The following NBAS variants were observed in gnomAD, a reference collection of about 807,000 sequenced individuals.
NBAS encodes the protein NAG/BC035112 fusion.
NBAS carries 219 observed loss-of-function variants against 302.5 expected under a neutral mutation model. The ratio of observed to expected loss-of-function variants is 0.72; its 90% CI spans 0.65 to 0.81. The LOEUF is 0.81. NBAS is among the 30% of genes least tolerant of loss of function. The pLI, the probability that NBAS is intolerant of heterozygous loss-of-function variation, is 0.00. For synonymous variants in NBAS, 1,118 were observed against 1,021.6 expected (o/e 1.09, Z -1.80); for missense variants, 2,932 against 2,841.6 (o/e 1.03, Z -0.72).
the NBAS span, among the ~76,000 whole-genome samples, chr2:15,098,546 T>A: frequency 9.1e-6 from 1 of 110,066 alleles, no homozygotes. Flanking sequence ...GTATTGTATA[T>A]AATATGTTAT....
the NBAS span, among the ~76,000 whole-genome samples, chr2:14,889,706 G>T: frequency 6.6e-6 from 1 of 152,198 alleles, no homozygotes; most frequent in Non-Finnish European, 1.5e-5. Flanking sequence ...AGAAGTGCAG[G>T]TCTTCCAATG....
chr2:14,978,277 T>A, the NBAS span, among the ~76,000 whole-genome samples: 1 of 152,204 alleles, frequency 6.6e-6, no homozygotes, highest in African/African-American at 2.4e-5. Context: ...TCAGAGTATG[T>A]AGTATCATAT....
chr2:15,396,492 A>C lies in NBAS; in HGVS notation c.3072-17T>G. 6.5e-7 allele frequency: 1 copy of C among 1,546,050 alleles called. No homozygotes were observed. The highest frequency in any genetic ancestry group is 8.7e-7 in the Non-Finnish European group (1 of 1,145,936). Reference sequence around the variant, plus strand: ...GTCTTATCACTAATAAATTAAAAGAAGAAAAAAAAAAGCCCTTAAGTTTAG... The same window carrying C: ...GTCTTATCACTAATAAATTAAAAGACGAAAAAAAAAAGCCCTTAAGTTTAG... On this transcript the variant is annotated splice_polypyrimidine_tract_variant and intron_variant, in intron 26 of 51. Coordinates refer to ENST00000281513, the MANE Select transcript of NBAS (RefSeq NM_015909.4).
the NBAS span, among the ~76,000 whole-genome samples, chr2:15,125,486 C>T: frequency 6.7e-6 from 1 of 148,860 alleles, no homozygotes; most frequent in Non-Finnish European, 1.5e-5. Flanking sequence ...GAGGGATCCA[C>T]TCCCATGATC....
chr2:15,171,287 G>C (rs921933166), intron 51 of NBAS, among the ~76,000 whole-genome samples: 1 of 152,086 alleles, frequency 6.6e-6, no homozygotes, highest in Non-Finnish European at 1.5e-5. Context: ...ACGGTAATTT[G>C]TATGTCATCC....
chr2:15,452,543 G>A (rs111614198), intron 21 of NBAS, among the ~76,000 whole-genome samples: 1,840 of 150,118 alleles, frequency 0.012, 34 homozygotes, highest in African/African-American at 0.043. Context: ...AGCCGAGATC[G>A]CGCCACTGCA....
At chr2:14,873,736 A>G in the NBAS span, among the ~76,000 whole-genome samples, 1 of 151,064 alleles carries the variant, frequency 6.6e-6, no homozygotes, top group Non-Finnish European at 1.5e-5. Context: ...AATAACCTGT[A>G]GGTCCAAAAT....
intron 42 of NBAS, among the ~76,000 whole-genome samples, chr2:15,278,605 T>G (rs1055150159): frequency 6.6e-6 from 1 of 152,136 alleles, no homozygotes; most frequent in African/African-American, 2.4e-5. Flanking sequence ...AGCAAAAAAT[T>G]AGGTGTCCTC....
chr2:14,818,417 A>G, the NBAS span, among the ~76,000 whole-genome samples: 2 of 152,192 alleles, frequency 1.3e-5, no homozygotes, highest in African/African-American at 2.4e-5. Context: ...AATAGTTAAC[A>G]TTATTCATCA....
At chr2:15,172,992 C>T (rs1453891212) in intron 51 of NBAS, among the ~76,000 whole-genome samples, 1 of 152,136 alleles carries the variant, frequency 6.6e-6, no homozygotes, top group Non-Finnish European at 1.5e-5. Flanking sequence ...CTTTTAAGTG[C>T]CCAGCACAAT....
the NBAS span, among the ~76,000 whole-genome samples, chr2:14,853,018 C>T: frequency 4.7e-5 from 7 of 149,854 alleles, no homozygotes; most frequent in African/African-American, 1.7e-4. Context: ...ATGGGAAGGA[C>T]TTCATGTCCA....
At chr2:14,854,848 A>G in the NBAS span, among the ~76,000 whole-genome samples, 76,346 of 151,952 alleles carry the variant, frequency 0.5, 19,779 homozygotes, top group African/African-American at 0.63. Context: ...CTAGACTATA[A>G]GGACTGCAAC....
chr2:15,166,017 C>T (rs6431684), downstream of NBAS, among the ~76,000 whole-genome samples: 636 of 152,290 alleles, frequency 4.2e-3, 1 homozygote, highest in Non-Finnish European at 7.4e-3. Flanking sequence ...CCCAGCTGTG[C>T]CTCGGCTGCT....
chr2:15,558,853 G>T (rs181328238), intron 1 of NBAS, among the ~76,000 whole-genome samples: 6 of 152,142 alleles, frequency 3.9e-5, no homozygotes, highest in Non-Finnish European at 8.8e-5. Flanking sequence ...CTGACTGCTT[G>T]AGCCCAGGAG....
chr2:14,874,737 T>C, the NBAS span, among the ~76,000 whole-genome samples: 2 of 151,294 alleles, frequency 1.3e-5, no homozygotes, highest in Non-Finnish European at 2.9e-5. Context: ...TCTCCAAGCA[T>C]AGATGTAAAA....
At chr2:15,019,559 AC>A in the NBAS span, among the ~76,000 whole-genome samples, 8 of 152,122 alleles carry the variant, frequency 5.3e-5, no homozygotes, top group Admixed American at 5.2e-4. Context: ...GGTCTGAGGG[AC>A]CCTGTGTCAG....
intron 21 of NBAS, among the ~76,000 whole-genome samples, chr2:15,434,833 C>G (rs1476982649): frequency 6.6e-6 from 1 of 152,116 alleles, no homozygotes; most frequent in African/African-American, 2.4e-5. Flanking sequence ...TGAGAATAAT[C>G]CTTATACAGG....
rs751582440 is a variant in NBAS, at chr2:15,473,209, T to C, written c.1725+13A>G. ...TATACATTTTACCACATTACCAAAATATTTAAACATACCAAATAATTCTGA... is the reference window on the plus strand; with the variant it reads ...TATACATTTTACCACATTACCAAAACATTTAAACATACCAAATAATTCTGA... On this transcript the variant is annotated intron_variant, in intron 16 of 51. Coordinates refer to ENST00000281513, the MANE Select transcript of NBAS (RefSeq NM_015909.4). The C allele has an allele frequency of 6.2e-6, 10 of 1,613,336 alleles. No homozygotes were observed. The African/African-American group carries it at 9.3e-5, about 15-fold the overall frequency.
intron 28 of NBAS, among the ~76,000 whole-genome samples, chr2:15,393,015 A>T (rs1385001557): frequency 6.6e-6 from 1 of 152,036 alleles, no homozygotes; most frequent in Non-Finnish European, 1.5e-5. Flanking sequence ...TAGAGAAAGG[A>T]TGGCTTTTTT....
Sources: allele counts gnomAD v4.1 joint callset (sites outside exome capture counted in the v4.1 genomes callset), GRCh38; gene constraint gnomAD v4.1.1; transcripts MANE v1.5; gene names NCBI Gene and HGNC (gene_info 2026-07-23, HGNC 2026-07-21).